The following GFRAL variants were observed in gnomAD, a reference collection of about 807,000 sequenced individuals.
The protein encoded by GFRAL is GDNF family receptor alpha like, also known as GDNF family receptor alpha-like.
GFRAL carries 36 observed loss-of-function variants against 45.4 expected under a neutral mutation model. The observed-to-expected ratio is 0.79, with a 90% CI of 0.61 to 1.05. The LOEUF is 1.05. Ranked by LOEUF, GFRAL falls within the 50% of genes least tolerant of loss-of-function variation. GFRAL has a pLI of 0.00. For synonymous variants in GFRAL, 166 were observed against 154.1 expected, an observed-to-expected ratio of 1.08 and a Z score of -0.57; for missense variants, 507 against 467.5, an observed-to-expected ratio of 1.08 and a Z score of -0.78.
chr6:55,342,566 A>G (rs1223213887), intron 3 of GFRAL, among the ~76,000 whole-genome samples: 1 of 152,190 alleles, frequency 6.6e-6, no homozygotes, highest in Non-Finnish European at 1.5e-5. Flanking sequence ...AGCCACTGAA[A>G]AACTCATGCC....
At chr6:55,342,006 A>G (rs553502189) in intron 3 of GFRAL, among the ~76,000 whole-genome samples, 106 of 152,352 alleles carry the variant, frequency 7.0e-4, no homozygotes, top group Non-Finnish European at 1.4e-3. Context: ...CAAAGCCTCC[A>G]AGAAATATGG....
At position 55,331,835 on chromosome 6, in the gene GFRAL, C is replaced by T; in HGVS notation, c.143C>T (p.Ala48Val). ...CATGCTTGGAGAGTAATGGAAGATG[C>T]CTGCAATGATTCAGGTAAACAAGTT... ...CKHAWRVMED[A>V]CNDSDPGDPC... Residue 48 changes from alanine to valine, a missense_variant, in exon 2 of 9, where the codon GCC becomes GTC. By Grantham distance (64) the Ala-to-Val change is moderately conservative (BLOSUM62 0). Transcript: ENST00000340465. 1 of 1,608,606 alleles carries T rather than the reference C, an allele frequency of 6.2e-7. No individual in the cohort carries two copies. The highest frequency in any genetic ancestry group is 1.1e-5 in the South Asian group (1 of 89,588).
chr6:55,393,309 C>T (rs16886667), intron 6 of GFRAL, among the ~76,000 whole-genome samples: 33,868 of 152,058 alleles, frequency 0.22, 5,076 homozygotes, highest in African/African-American at 0.43. Flanking sequence ...ACATCTAACC[C>T]AAAATTTTCT....
chr6:55,367,661 T>C (rs1041317125), intron 6 of GFRAL, among the ~76,000 whole-genome samples: 9 of 150,470 alleles, frequency 6.0e-5, no homozygotes, highest in Non-Finnish European at 8.9e-5. Flanking sequence ...TCTCAGCATT[T>C]GCTTGTCTGT....
chr6:55,397,237 G>C (rs933546654), intron 6 of GFRAL, among the ~76,000 whole-genome samples: 2 of 139,306 alleles, frequency 1.4e-5, no homozygotes, highest in African/African-American at 5.6e-5. Flanking sequence ...AAAAAATGCC[G>C]GCCGGGCGCG....
At chr6:55,356,088 T>C (rs1768190789) in intron 5 of GFRAL, among the ~76,000 whole-genome samples, 1 of 151,994 alleles carries the variant, frequency 6.6e-6, no homozygotes, top group African/African-American at 2.4e-5. Context: ...GTGGTCATGA[T>C]GAAAAATCTT....
rs145338629 is a variant in GFRAL at position 55,345,225 on chromosome 6, C to A, written c.317-4867C>A. On this transcript the variant is annotated intron_variant, in intron 3 of 8. Transcript: ENST00000340465. The stretch of plus-strand genomic sequence containing the variant: ...GTTCATATGGAACCAAAAAAGGGCC[C>A]GCATTGCCAAGACAATCCTAAGCCA... 1.4e-4 allele frequency among the ~76,000 whole-genome samples: 21 copies of A among 152,210 alleles called. No individual in the cohort carries two copies. The East Asian group carries it at 3.5e-3, about 25-fold the overall frequency.
At chr6:55,335,195 T>C (rs1170564951) in intron 3 of GFRAL, among the ~76,000 whole-genome samples, 1 of 152,162 alleles carries the variant, frequency 6.6e-6, no homozygotes, top group East Asian at 1.9e-4. Flanking sequence ...GGTACTATAT[T>C]GTAGTTTTAA....
At chr6:55,341,271 T>C (rs909914155) in intron 3 of GFRAL, among the ~76,000 whole-genome samples, 45 of 152,154 alleles carry the variant, frequency 3.0e-4, no homozygotes, top group Admixed American at 1.0e-3. Flanking sequence ...GGAGGCACCC[T>C]CCAGTAGGGG....
In GFRAL at chr6:55,363,887, G is replaced by A. The variant is rs867628643; in HGVS notation, c.952+4749G>A. On this transcript the variant is annotated intron_variant, in intron 6 of 8. Transcript: ENST00000340465. ...AGTCTTTGCTATTGTGAATAATGTCGCAATAAACATACGTGTGCATGTGTC... is the reference window on the plus strand; with the variant it reads ...AGTCTTTGCTATTGTGAATAATGTCACAATAAACATACGTGTGCATGTGTC... 1.9e-4 allele frequency among the ~76,000 whole-genome samples: 28 copies of A among 151,164 alleles called. No individual in the cohort carries two copies. The South Asian group carries it at 3.4e-3, about 18-fold the overall frequency.
chr6:55,366,960 C>G (rs1177816922), intron 6 of GFRAL, among the ~76,000 whole-genome samples: 1 of 58,220 alleles, frequency 1.7e-5, no homozygotes, highest in East Asian at 3.0e-4. Context: ...ATTAGGTCCG[C>G]TTGGTGCAGA....
At chr6:55,357,567 G>A (rs1236250877) in intron 5 of GFRAL, among the ~76,000 whole-genome samples, 1 of 151,480 alleles carries the variant, frequency 6.6e-6, no homozygotes, top group African/African-American at 2.4e-5. Context: ...TATAGATGAT[G>A]TATGCTTCTT....
In GFRAL at chr6:55,351,724, T is replaced by C. The variant is rs879105799; in HGVS notation, c.701+141T>C. ...TGTAAATAAAACCAGACAATTAATA[T>C]TTTTTTGAATCTGTGGTACATATGC... On this transcript the variant is annotated intron_variant, in intron 5 of 8. Coordinates refer to ENST00000340465, the MANE Select transcript of GFRAL (RefSeq NM_207410.2). The C allele has an allele frequency of 1.4e-5, 8 of 584,422 alleles. No homozygotes were observed. In the South Asian group the frequency reaches 2.0e-4, roughly 15 times the overall value. 36.2% of individuals were successfully genotyped at this position (584,422 alleles called of 1,614,324 possible). A position where few individuals can be genotyped will look rare whatever the true frequency, so the allele number is the denominator to read the frequency against.
chr6:55,374,438 T>C (rs1207741868), intron 6 of GFRAL, among the ~76,000 whole-genome samples: 3 of 152,178 alleles, frequency 2.0e-5, no homozygotes, highest in Non-Finnish European at 4.4e-5. Flanking sequence ...TTTTGAGAAG[T>C]GTCACTCCTT....
At chr6:55,349,394 A>T (rs947012102) in intron 3 of GFRAL, among the ~76,000 whole-genome samples, 3 of 151,998 alleles carry the variant, frequency 2.0e-5, no homozygotes, top group African/African-American at 7.2e-5. Context: ...TTCCCCTGCC[A>T]CTTTATGGAT....
At chr6:55,341,094 T>C (rs149734509) in intron 3 of GFRAL, among the ~76,000 whole-genome samples, 1,986 of 152,302 alleles carry the variant, frequency 0.013, 22 homozygotes, top group Non-Finnish European at 0.022. Flanking sequence ...TCCACCTCTG[T>C]GGGCAGGGCA....
chr6:55,397,693 C>A (rs1581763060), intron 6 of GFRAL, among the ~76,000 whole-genome samples: 2 of 152,124 alleles, frequency 1.3e-5, no homozygotes, highest in Non-Finnish European at 2.9e-5. Flanking sequence ...CAATCTATCT[C>A]TCTACTGATT....
intron 6 of GFRAL, among the ~76,000 whole-genome samples, chr6:55,369,346 A>G (rs1768417324): frequency 6.6e-6 from 1 of 152,004 alleles, no homozygotes; most frequent in Admixed American, 6.6e-5. Flanking sequence ...ACTGTCTGGC[A>G]CTCCCTAGTG....
At chr6:55,329,788 A>G (rs575363972) in intron 1 of GFRAL, among the ~76,000 whole-genome samples, 1 of 152,178 alleles carries the variant, frequency 6.6e-6, no homozygotes, top group East Asian at 1.9e-4. Flanking sequence ...AGTAGTACAC[A>G]TGGTCCAATC....
Sources: allele counts gnomAD v4.1 joint callset (sites outside exome capture counted in the v4.1 genomes callset), GRCh38; gene constraint gnomAD v4.1.1; transcripts MANE v1.5; gene names NCBI Gene and HGNC (gene_info 2026-07-23, HGNC 2026-07-21).